MAGI1: variants seen among roughly 807,000 people sequenced by gnomAD.
The protein encoded by MAGI1 is membrane associated guanylate kinase, WW and PDZ domain containing 1.
A neutral mutation model predicts 139.9 loss-of-function variants in MAGI1; 58 were observed. The observed-to-expected ratio is 0.41, with a 90% confidence interval of 0.34 to 0.52. MAGI1 has a LOEUF of 0.52. Among genes scored for constraint, MAGI1 ranks in the 20% least tolerant of loss-of-function variants. The pLI, the probability that MAGI1 is intolerant of heterozygous loss-of-function variation, is 0.12. For missense variants in MAGI1, 1,874 were observed against 1,901.6 expected (o/e 0.99, Z 0.27); for synonymous variants, 812 against 737.9 (o/e 1.10, Z -1.63).
chr3:65,542,004 T>C (rs995989825), intron 2 of MAGI1, among the ~76,000 whole-genome samples: 1 of 152,158 alleles, frequency 6.6e-6, no homozygotes, highest in Non-Finnish European at 1.5e-5. Flanking sequence ...GATTACATGA[T>C]TGTATATTTA....
In MAGI1 at chr3:65,748,779, G is replaced by A. The variant is rs941205784; in HGVS notation, c.314-126691C>T. ...GGACATGAGAGGCATGACCTCCTGG[G>A]GGAGTTATTGTCAAAATCAAGGCCT... On this transcript the variant is annotated intron_variant, in intron 1 of 22. Transcript: ENST00000402939. Among the ~76,000 whole-genome samples, 3 of 152,188 alleles carry A rather than the reference G, an allele frequency of 2.0e-5. No homozygotes were observed. The East Asian group carries it at 5.8e-4, about 29-fold the overall frequency.
chr3:66,014,308 T>C lies in MAGI1; in HGVS notation c.313+23688A>G, dbSNP rs1183492188. On this transcript the variant is annotated intron_variant, in intron 1 of 22. Coordinates refer to ENST00000402939, the MANE Select transcript of MAGI1 (RefSeq NM_001033057.2). ...TATCCTTGTTGTTCCAGATCTTTTT[T>C]TATTTTTAAGGCACACACAAGCATA... Among the ~76,000 whole-genome samples the C allele has an allele frequency of 4.6e-5, 7 of 152,226 alleles. 1 individual carries two copies. The highest frequency in any genetic ancestry group is 3.3e-4 in the Admixed American group (5 of 15,282).
At chr3:65,913,233 C>T (rs1402155688) in intron 1 of MAGI1, among the ~76,000 whole-genome samples, 1 of 152,114 alleles carries the variant, frequency 6.6e-6, no homozygotes, top group Non-Finnish European at 1.5e-5. Flanking sequence ...CATTGAACTC[C>T]AGCCTGAGCA....
At chr3:65,455,465 C>A (rs1328430765) in intron 5 of MAGI1, among the ~76,000 whole-genome samples, 1 of 152,154 alleles carries the variant, frequency 6.6e-6, no homozygotes, top group Non-Finnish European at 1.5e-5. Flanking sequence ...AACTCCAGCA[C>A]TTTGGAATGT....
At chr3:65,461,268 T>C (rs1949767417) in intron 5 of MAGI1, among the ~76,000 whole-genome samples, 1 of 151,070 alleles carries the variant, frequency 6.6e-6, no homozygotes, top group Admixed American at 6.6e-5. Flanking sequence ...CAGGCTGGTG[T>C]GCAGTGACAC....
intron 18 of MAGI1, among the ~76,000 whole-genome samples, chr3:65,368,797 C>A (rs1941692478): frequency 6.6e-6 from 1 of 152,190 alleles, no homozygotes; most frequent in Admixed American, 6.5e-5. Context: ...CCTACATAAG[C>A]AAATACTTTG....
rs3042858 is a variant in MAGI1, at chr3:65,712,510, TTTGTTG to T, written c.314-90428_314-90423del. ...AATAAAATTGTGTTTTGTTTTTGTTTTTGTTGTTGTTGTTGTTGTTGAGACAGAGTT... is the reference window on the plus strand; with the variant it reads ...AATAAAATTGTGTTTTGTTTTTGTTTTTGTTGTTGTTGTTGAGACAGAGTT... On this transcript the variant is annotated intron_variant, in intron 1 of 22. Transcript: ENST00000402939. Among the ~76,000 whole-genome samples the T allele has an allele frequency of 0.016, 2,500 of 151,840 alleles. 222 individuals are homozygous for T. In the East Asian group the frequency reaches 0.29, roughly 18 times the overall value.
At chr3:65,669,402 T>C (rs2086719361) in intron 1 of MAGI1, among the ~76,000 whole-genome samples, 2 of 152,180 alleles carry the variant, frequency 1.3e-5, no homozygotes, top group African/African-American at 4.8e-5. Context: ...TGGTCAAGTT[T>C]TCCCTGGCAT....
chr3:65,889,890 G>T (rs1199988965), intron 1 of MAGI1, among the ~76,000 whole-genome samples: 1 of 152,194 alleles, frequency 6.6e-6, no homozygotes, highest in East Asian at 1.9e-4. Flanking sequence ...TCACAACAGA[G>T]AAGCATGAGG....
At chr3:65,787,753 A>G (rs9840580) in intron 1 of MAGI1, among the ~76,000 whole-genome samples, 42 of 152,154 alleles carry the variant, frequency 2.8e-4, no homozygotes, top group African/African-American at 9.2e-4. Flanking sequence ...AAAAATAACT[A>G]TAAATGGATA....
At chr3:65,489,662 G>C (rs1298474925) in intron 3 of MAGI1, among the ~76,000 whole-genome samples, 1 of 152,150 alleles carries the variant, frequency 6.6e-6, no homozygotes, top group African/African-American at 2.4e-5. Flanking sequence ...TAAAGAATGA[G>C]GTGAAACTGT....
intron 5 of MAGI1, among the ~76,000 whole-genome samples, chr3:65,457,889 T>G (rs1949507298): frequency 6.6e-6 from 1 of 152,112 alleles, no homozygotes; most frequent in African/African-American, 2.4e-5. Flanking sequence ...ATACTAAATC[T>G]TATTCATTCT....
Position 65,812,818 on chromosome 3 carries a change from C to T in MAGI1, c.314-190730G>A, listed in dbSNP as rs1248178578. 7.0e-5 allele frequency among the ~76,000 whole-genome samples: 10 copies of T among 141,942 alleles called. 1 individual carries two copies. The Admixed American group carries it at 7.8e-4, about 11-fold the overall frequency. The allele number at this position is 141,942 out of a possible 152,430, so 93.1% of individuals were successfully genotyped here. On this transcript the variant is annotated intron_variant, in intron 1 of 22. Coordinates refer to ENST00000402939, the MANE Select transcript of MAGI1 (RefSeq NM_001033057.2). ...CTCCGCCTCCTGGGTTGAAGCGATTCTCCTGCCTCAGCCTCCAAGTAGCTG... is the reference window on the plus strand; with the variant it reads ...CTCCGCCTCCTGGGTTGAAGCGATTTTCCTGCCTCAGCCTCCAAGTAGCTG...
intron 1 of MAGI1, among the ~76,000 whole-genome samples, chr3:65,673,063 C>T (rs1427359452): frequency 1.3e-5 from 2 of 152,094 alleles, no homozygotes; most frequent in Non-Finnish European, 2.9e-5. Context: ...TGACCGCCAG[C>T]GCCATCTGTC....
chr3:65,431,719 G>A lies in MAGI1; in HGVS notation c.1364-838C>T, dbSNP rs2107350183. ...AATAAATTAGGCTGGGGGTGTGGTGGCTCATGCCTGTAATCCTAGCACTTT... is the reference window on the plus strand; with the variant it reads ...AATAAATTAGGCTGGGGGTGTGGTGACTCATGCCTGTAATCCTAGCACTTT... On this transcript the variant is annotated intron_variant, in intron 10 of 22. Transcript: ENST00000402939. Among the ~76,000 whole-genome samples, 3 of 152,204 alleles carry A rather than the reference G, an allele frequency of 2.0e-5. No individual in the cohort carries two copies. The South Asian group carries it at 6.2e-4, about 32-fold the overall frequency.
At chr3:65,695,737 T>G (rs757374151) in intron 1 of MAGI1, among the ~76,000 whole-genome samples, 23 of 152,280 alleles carry the variant, frequency 1.5e-4, no homozygotes, top group East Asian at 9.7e-4. Flanking sequence ...ATAAAAAGAC[T>G]TCATTTGCTG....
intron 1 of MAGI1, among the ~76,000 whole-genome samples, chr3:65,975,984 T>C (rs1261957135): frequency 1.3e-5 from 2 of 152,220 alleles, no homozygotes; most frequent in African/African-American, 4.8e-5. Flanking sequence ...TACTGAATGA[T>C]GGAGAATCTC....
At chr3:65,423,296 G>A (rs970452242) in intron 12 of MAGI1, among the ~76,000 whole-genome samples, 1 of 152,010 alleles carries the variant, frequency 6.6e-6, no homozygotes, top group African/African-American at 2.4e-5. Flanking sequence ...TGATCACTTG[G>A]GTTTAACTCT....
At position 65,356,897 on chromosome 3, in the gene MAGI1, G is replaced by C. The variant is rs751127040; in HGVS notation, c.3870C>G (p.Asp1290Glu). 1.9e-6 allele frequency: 3 copies of C among 1,614,176 alleles called. No homozygotes were observed. Among genetic ancestry groups the C allele is most frequent in the Non-Finnish European group, 2.5e-6 (3 of 1,179,996 alleles). Reference protein sequence around the residue: ...HTWNGTSRKPDSGACRPKDRA... With the variant: ...HTWNGTSRKPESGACRPKDRA... ...GGTCCTTGGGTCGGCATGCCCCGCT[G>C]TCGGGTTTCCTCGAAGTCCCATTCC... Residue 1290 changes from aspartate (D) to glutamate (E), a missense_variant, in exon 23 of 23, where the codon GAC becomes GAG. Asp to Glu is a conservative substitution (Grantham distance 45). Transcript: ENST00000402939.
Sources: allele counts gnomAD v4.1 joint callset (sites outside exome capture counted in the v4.1 genomes callset), GRCh38; gene constraint gnomAD v4.1.1; transcripts MANE v1.5; gene names NCBI Gene and HGNC (gene_info 2026-07-23, HGNC 2026-07-21).